The following RTKN variants were observed in gnomAD, a reference collection of about 807,000 sequenced individuals.
The protein encoded by RTKN is rhotekin.
RTKN carries 49 observed loss-of-function variants against 63.5 expected under a neutral mutation model. The ratio of observed to expected loss-of-function variants is 0.77; its 90% CI spans 0.61 to 0.98. The LOEUF (loss-of-function observed/expected upper bound fraction) is 0.98, where lower values mean the gene tolerates loss of function less well. Among genes scored for constraint, RTKN ranks in the 50% least tolerant of loss-of-function variants. RTKN has a pLI of 0.00. For synonymous variants in RTKN, 295 were observed against 290.4 expected (o/e 1.02, Z -0.16); for missense variants, 685 against 740.8 (o/e 0.92, Z 0.87).
chr2:74,426,027 G>C lies in RTKN; in HGVS notation c.*216C>G. 1 of 646,670 alleles carries C rather than the reference G, an allele frequency of 1.5e-6. No homozygotes were observed. The highest frequency in any genetic ancestry group is 2.7e-5 in the East Asian group (1 of 36,702). 40.1% of individuals were successfully genotyped at this position (646,670 alleles called of 1,614,324 possible). The stretch of plus-strand genomic sequence containing the variant: ...CCAGTTTTCTTCCAGGAAGGGTTTA[G>C]GGAGGTCCCAGCGAGCCCCAGGAAT... On this transcript the variant is annotated 3_prime_UTR_variant, in exon 12 of 12. Transcript: ENST00000272430.
At chr2:74,437,920 G>A (rs1228286263) in intron 1 of RTKN, among the ~76,000 whole-genome samples, 1 of 152,166 alleles carries the variant, frequency 6.6e-6, no homozygotes, top group Non-Finnish European at 1.5e-5. Context: ...CCTCTGGCTG[G>A]CACCTGTGTG....
Position 74,428,352 on chromosome 2 carries a change from C to T in RTKN, c.1002G>A (p.Leu334=). ...MQNWAQVHGV[L]KGTNLFCYRQ... ...GGTAACAGAAGAGGTTTGTGCCTTT[C>T]AGAACTCCATGCACTTGTGCCCAGT... Residue 334 remains leucine (L), a synonymous_variant, in exon 9 of 12, where the codon CTG becomes CTA. Coordinates refer to ENST00000272430, the MANE Select transcript of RTKN (RefSeq NM_001015055.2). 6.2e-7 allele frequency: 1 copy of T among 1,614,140 alleles called. No individual in the cohort carries two copies. The highest frequency in any genetic ancestry group is 8.5e-7 in the Non-Finnish European group (1 of 1,180,020).
chr2:74,441,414 G>A (rs1278037673), intron 1 of RTKN, among the ~76,000 whole-genome samples: 4 of 152,218 alleles, frequency 2.6e-5, no homozygotes, highest in Admixed American at 2.6e-4. Context: ...GACATTTTGG[G>A]GTTCAGGCAC....
At chr2:74,441,680 G>A in intron 1 of RTKN, 26 bp downstream of exon 1, 2 of 1,565,146 alleles carry the variant, frequency 1.3e-6, no homozygotes, top group African/African-American at 1.3e-5. Context: ...CCGCGGAAGG[G>A]GAAGGCAGGG....
chr2:74,433,551 C>T (rs1392392169), intron 1 of RTKN, among the ~76,000 whole-genome samples: 5 of 150,106 alleles, frequency 3.3e-5, no homozygotes, highest in African/African-American at 1.2e-4. Context: ...TGCAGTGGTA[C>T]GATCTCAGTT....
Position 74,430,362 on chromosome 2 carries a change from G to T in RTKN, c.435C>A (p.His145Gln), listed in dbSNP as rs764822629. ...TEYFKNKGDLHRWAVFLLLQL... is the reference protein window; with the variant it reads ...TEYFKNKGDLQRWAVFLLLQL... The stretch of plus-strand genomic sequence containing the variant: ...GCAGCAGCAGGAACACAGCCCAGCG[G>T]TGCAAGTCTGGGGACAAAGGGCAAA... The change falls in exon 5 of 12, where the codon CAC (histidine) becomes CAA (glutamine). Residue 145 changes from histidine to glutamine, a missense_variant. Coordinates refer to ENST00000272430, the MANE Select transcript of RTKN (RefSeq NM_001015055.2). 6.2e-7 allele frequency: 1 copy of T among 1,614,194 alleles called. No individual in the cohort carries two copies. Among genetic ancestry groups the T allele is most frequent in the Admixed American group, 1.7e-5 (1 of 60,034 alleles).
intron 1 of RTKN, among the ~76,000 whole-genome samples, chr2:74,441,262 T>A (rs1030650151): frequency 3.9e-5 from 6 of 152,264 alleles, no homozygotes; most frequent in Non-Finnish European, 7.4e-5. Context: ...AAGTCGGGGT[T>A]GATGACAGAG....
chr2:74,441,318 T>A (rs975796078), intron 1 of RTKN, among the ~76,000 whole-genome samples: 1 of 152,126 alleles, frequency 6.6e-6, no homozygotes, highest in South Asian at 2.1e-4. Context: ...GGCTGGCGAC[T>A]GGGGAACAAG....
rs1670445330 is a variant in RTKN, at chr2:74,427,204, G to T, written c.1325C>A (p.Ala442Glu). Residue 442 changes from alanine (A) to glutamate (E), a missense_variant, in exon 11 of 12, where the codon GCA becomes GAA. Ala to Glu is a moderately radical substitution (Grantham distance 107). Transcript: ENST00000272430. ...ETPAPRKPPQ[A>E]LAKQGSLYHE... ...GTACAAGGACCCCTGCTTTGCCAGTGCTTGGGGTGGTTTCCGGGGAGCAGG... is the reference window on the plus strand; with the variant it reads ...GTACAAGGACCCCTGCTTTGCCAGTTCTTGGGGTGGTTTCCGGGGAGCAGG... 6.2e-7 allele frequency: 1 copy of T among 1,614,008 alleles called. No individual in the cohort carries two copies. The highest frequency in any genetic ancestry group is 1.1e-5 in the South Asian group (1 of 91,082).
rs1241920289 is a variant in RTKN at position 74,436,238 on chromosome 2, G to A, written c.112-3572C>T. Among the ~76,000 whole-genome samples the A allele has an allele frequency of 1.3e-5, 2 of 152,256 alleles. No individual in the cohort carries two copies. Among genetic ancestry groups the A allele is most frequent in the Admixed American group, 6.5e-5 (1 of 15,290 alleles). On this transcript the variant is annotated intron_variant, in intron 1 of 11. Transcript: ENST00000272430. The surrounding 1 kb of genome is among the most constrained non-coding windows in gnomAD (Gnocchi z 4.3). ...TTGCGAGAGGCGCGCAGAGGCGCGC[G>A]AGGTCCAGAGAGCTGCACTGGCCTG...
Position 74,439,580 on chromosome 2 carries a change from A to G in RTKN, c.111+2126T>C, listed in dbSNP as rs921780494. 9 of 1,614,058 alleles carry G rather than the reference A, an allele frequency of 5.6e-6. No individual in the cohort carries two copies. The African/African-American group carries it at 1.2e-4, about 22-fold the overall frequency. On this transcript the variant is annotated intron_variant, in intron 1 of 11. Coordinates refer to ENST00000272430, the MANE Select transcript of RTKN (RefSeq NM_001015055.2). ...AGGCTGAGTGCCATCTGCCGAATGTAGAGCATATTCAGGTCCTCCAGGATG... is the reference window on the plus strand; with the variant it reads ...AGGCTGAGTGCCATCTGCCGAATGTGGAGCATATTCAGGTCCTCCAGGATG...
At chr2:74,435,152 A>C (rs1376882309) in intron 1 of RTKN, among the ~76,000 whole-genome samples, 3 of 152,178 alleles carry the variant, frequency 2.0e-5, no homozygotes, top group Non-Finnish European at 4.4e-5. Flanking sequence ...TGGTCCAGGA[A>C]TGAGGGACTG....
chr2:74,428,716 G>A lies in RTKN; in HGVS notation c.872C>T (p.Pro291Leu). ...ACGGCAACACACGCTACCATAAAGG[G>A]GCAGCCAGGCAGGGTTCTCCTCTGG... ...ASHEENPAWL[P>L]LYGSVCCRLA... The change falls in exon 8 of 12, where the codon CCC (proline) becomes CTC (leucine). Residue 291 changes from proline (P) to leucine (L), a missense_variant. By Grantham distance (98) the Pro-to-Leu change is moderately conservative. Coordinates refer to ENST00000272430, the MANE Select transcript of RTKN (RefSeq NM_001015055.2). The A allele has an allele frequency of 6.2e-7, 1 of 1,613,968 alleles. No homozygotes were observed. Among genetic ancestry groups the A allele is most frequent in the Non-Finnish European group, 8.5e-7 (1 of 1,179,938 alleles).
chr2:74,432,422 G>A, intron 2 of RTKN, 45 bp downstream of exon 2: 1 of 1,568,406 alleles, frequency 6.4e-7, no homozygotes, highest in Non-Finnish European at 8.7e-7. Context: ...CCACCACCCA[G>A]AAGGCCTCCT....
chr2:74,439,277 G>A (rs1671219424), intron 1 of RTKN, among the ~76,000 whole-genome samples: 2 of 152,146 alleles, frequency 1.3e-5, no homozygotes, highest in South Asian at 4.1e-4. Context: ...TGCCTAAAAG[G>A]AACCCTTGTC....
Position 74,428,831 on chromosome 2 carries a change from T to C in RTKN, c.850+17A>G, listed in dbSNP as rs1170649486. 1 of 1,607,648 alleles carries C rather than the reference T, an allele frequency of 6.2e-7. No individual in the cohort carries two copies. Among genetic ancestry groups the C allele is most frequent in the Admixed American group, 1.7e-5 (1 of 59,988 alleles). ...CACCATCACATGTGTATGTCCCCCA[T>C]GCACACACATACTTACCATGACTGG... On this transcript the variant is annotated intron_variant, in intron 7 of 11. Coordinates refer to ENST00000272430, the MANE Select transcript of RTKN (RefSeq NM_001015055.2).
chr2:74,427,895 G>T, intron 9 of RTKN: 1 of 478,802 alleles, frequency 2.1e-6, no homozygotes, highest in Non-Finnish European at 3.7e-6. Flanking sequence ...CAAAAAGTAG[G>T]CAGGAAAGCC....
chr2:74,428,407 G>C lies in RTKN; in HGVS notation c.958-11C>G. The C allele has an allele frequency of 6.2e-7, 1 of 1,614,072 alleles. No homozygotes were observed. Among genetic ancestry groups the C allele is most frequent in the Non-Finnish European group, 8.5e-7 (1 of 1,180,004 alleles). On this transcript the variant is annotated splice_polypyrimidine_tract_variant and intron_variant, in intron 8 of 11. Transcript: ENST00000272430. Reference sequence around the variant, plus strand: ...CATCTCCCCAGCTTGCTGCACAAATGACTCAACATTTTCTGGGGAAGTCAC... The same window carrying C: ...CATCTCCCCAGCTTGCTGCACAAATCACTCAACATTTTCTGGGGAAGTCAC...
At position 74,426,366 on chromosome 2, in the gene RTKN, A is replaced by G; in HGVS notation, c.1569T>C (p.Ala523=). 1 of 1,611,424 alleles carries G rather than the reference A, an allele frequency of 6.2e-7. No individual in the cohort carries two copies. Among genetic ancestry groups the G allele is most frequent in the African/African-American group, 1.3e-5 (1 of 74,974 alleles). The change falls in exon 12 of 12, where the codon GCT becomes GCC. Residue 523 remains alanine, a synonymous_variant. Coordinates refer to ENST00000272430, the MANE Select transcript of RTKN (RefSeq NM_001015055.2). ...CCCTAGGGGAGTGGTCTGGGGGGAC[A>G]GCATCCAGGGAAAAGGTTCGGGGTC... The part of the protein sequence containing the change: ...WGRPRTFSLD[A]VPPDHSPRAR...
Sources: gnomAD v4.1 joint callset for allele counts (sites outside exome capture counted in the v4.1 genomes callset) on GRCh38, gnomAD v4.1.1 for gene constraint, Gnocchi (gnomAD v3.1) non-coding constraint, MANE v1.5 for transcripts, NCBI Gene and HGNC (gene_info 2026-07-23, HGNC 2026-07-21) for gene names.